Variants in OGFOD2 observed in about 807,000 individuals in gnomAD.
OGFOD2 encodes 2-oxoglutarate and iron-dependent oxygenase domain-containing protein 2.
Under a neutral mutation model 31.1 loss-of-function variants are expected in OGFOD2, and 34 were observed. That is an observed-to-expected ratio of 1.09 (90% CI 0.83 to 1.45). OGFOD2 has a LOEUF of 1.45. Among genes scored for constraint, OGFOD2 ranks in the 40% most tolerant of loss-of-function variants. The pLI, the probability that OGFOD2 is intolerant of heterozygous loss-of-function variation, is 0.00. For synonymous variants in OGFOD2, 240 were observed against 192.3 expected (o/e 1.25, Z -2.05); for missense variants, 537 against 433.9 (o/e 1.24, Z -2.11).
chr12:122,976,072 C>T (rs1245715434), intron 2 of OGFOD2: 4 of 597,996 alleles, frequency 6.7e-6, no homozygotes, highest in South Asian at 1.9e-5. Flanking sequence ...TGCTAAGTTG[C>T]CTAGTCATGC....
exon 7 of OGFOD2, chr12:122,979,319 C>T (rs201853702): frequency 1.2e-6 from 2 of 1,611,704 alleles, no homozygotes; most frequent in Admixed American, 1.7e-5. Flanking sequence ...AGGAGCCCGC[C>T]ACGGTGGATG....
chr12:122,978,517 T>G (rs1411115169), exon 5 of OGFOD2: 1 of 1,613,386 alleles, frequency 6.2e-7, no homozygotes. Context: ...CTGGAGCACT[T>G]CGAGCAATCG....
At chr12:122,975,246 T>C (rs573566723) in exon 1 of OGFOD2, 16 of 671,716 alleles carry the variant, frequency 2.4e-5, no homozygotes, top group African/African-American at 2.1e-4. Flanking sequence ...CTGTGGGTGC[T>C]TCACTATGGC....
chr12:122,977,001 C>T (rs2037453958), intron 4 of OGFOD2, 31 bp downstream of exon 4: 2 of 1,593,350 alleles, frequency 1.3e-6, no homozygotes, highest in Non-Finnish European at 8.6e-7. Flanking sequence ...CCTGGCAGGA[C>T]CAGGGAATGG....
At chr12:122,975,726 T>C (rs1410730689) in intron 1 of OGFOD2, 85 bp from the exon 2 acceptor site, 1 of 675,972 alleles carries the variant, frequency 1.5e-6, no homozygotes, top group African/African-American at 1.8e-5. Context: ...CCTCTCCCCA[T>C]TTTAAGCAGG....
intron 4 of OGFOD2, 77 bp downstream of exon 4, chr12:122,977,047 C>A: frequency 7.3e-7 from 1 of 1,366,980 alleles, no homozygotes; most frequent in East Asian, 2.4e-5. Flanking sequence ...TGCTGGGGTC[C>A]CTCCAGCCAC....
At position 122,979,080 on chromosome 12, in the gene OGFOD2, C is replaced by A; in HGVS notation, c.790-3C>A. 1.3e-6 allele frequency: 2 copies of A among 1,596,068 alleles called. No individual in the cohort carries two copies. The highest frequency in any genetic ancestry group is 1.7e-6 in the Non-Finnish European group (2 of 1,168,360). On this transcript the variant is annotated splice_polypyrimidine_tract_variant and splice_region_variant and intron_variant, in intron 6 of 6. Transcript: ENST00000228922. ...GCCCAGGCCTGAGTCGTGCCATCTGCAGGCACCCACAGCCCTGACGGAGCC... is the reference window on the plus strand; with the variant it reads ...GCCCAGGCCTGAGTCGTGCCATCTGAAGGCACCCACAGCCCTGACGGAGCC...
At position 122,978,976 on chromosome 12, in the gene OGFOD2, CA is replaced by C. The variant is rs1566213897; in HGVS notation, c.756del (p.Gly254AlafsTer15). 5.0e-6 allele frequency: 8 copies of C among 1,613,186 alleles called. No individual in the cohort carries two copies. Among genetic ancestry groups the C allele is most frequent in the Non-Finnish European group, 6.8e-6 (8 of 1,179,990 alleles). ...AATGTGGCCTTGGGCAAGGTCTTCA[CA>C]GGGGGCGCCCTGTATTTTGGGGGCC... On this transcript the variant is annotated frameshift_variant, in exon 6 of 7. Transcript: ENST00000228922. LOFTEE classifies it high-confidence loss of function.
At chr12:122,978,271 A>G (rs2037491578) in intron 4 of OGFOD2, 171 bp from the exon 5 acceptor site, 2 of 738,934 alleles carry the variant, frequency 2.7e-6, no homozygotes, top group Non-Finnish European at 4.3e-6. Flanking sequence ...AGTGGGGGGC[A>G]TGGGAATCGG....
In OGFOD2 at chr12:122,976,003, C is replaced by G. The variant is rs150611267; in HGVS notation, c.189+136C>G. 2.1e-3 allele frequency: 1,346 copies of G among 640,258 alleles called. 4 individuals are homozygous for G. Among genetic ancestry groups the G allele is most frequent in the South Asian group, 3.5e-3 (206 of 59,584 alleles). The allele number at this position is 640,258 out of a possible 1,614,324, so 39.7% of individuals were successfully genotyped here. On this transcript the variant is annotated intron_variant, in intron 2 of 6. Transcript: ENST00000228922. ...CCCTCACTTTCCTCCTTCCTGCCCC[C>G]CACTCATCCCTCCACACCTGAGTCT... is the stretch of plus-strand genomic sequence containing the variant.
rs2037502847 is a variant in OGFOD2 at position 122,978,588 on chromosome 12, G to A, written c.531+19G>A. 6.2e-7 allele frequency: 1 copy of A among 1,607,080 alleles called. No individual in the cohort carries two copies. Among genetic ancestry groups the A allele is most frequent in the South Asian group, 1.1e-5 (1 of 91,008 alleles). ...CTACGGGGTGGGTGAGGCCTGGCCG[G>A]TGGCAGAGGAGGGGGTGGCTGGGGT... On this transcript the variant is annotated intron_variant, in intron 5 of 6. Coordinates refer to ENST00000228922, the Ensembl canonical transcript of OGFOD2.
chr12:122,979,077 C>T lies in OGFOD2; in HGVS notation c.790-6C>T, dbSNP rs375270706. On this transcript the variant is annotated splice_polypyrimidine_tract_variant and splice_region_variant and intron_variant, in intron 6 of 6. Coordinates refer to ENST00000228922, the Ensembl canonical transcript of OGFOD2. ...AGTGCCCAGGCCTGAGTCGTGCCATCTGCAGGCACCCACAGCCCTGACGGA... is the reference window on the plus strand; with the variant it reads ...AGTGCCCAGGCCTGAGTCGTGCCATTTGCAGGCACCCACAGCCCTGACGGA... The T allele has an allele frequency of 7.7e-5, 123 of 1,596,938 alleles. No homozygotes were observed. The highest frequency in any genetic ancestry group is 1.7e-4 in the Middle Eastern group (1 of 6,016).
chr12:122,979,331 A>G, exon 7 of OGFOD2: 1 of 1,608,664 alleles, frequency 6.2e-7, no homozygotes, highest in African/African-American at 1.3e-5. Flanking sequence ...CGGTGGATGT[A>G]TGTGCGCTCA....
chr12:122,976,415 T>C (rs884956), intron 2 of OGFOD2: 1,078,069 of 1,611,414 alleles, frequency 0.67, 373,013 homozygotes, highest in Non-Finnish European at 0.71. Context: ...CATCTAGGGG[T>C]TCTCATCCCA....
chr12:122,976,233 C>T (rs774360897), intron 2 of OGFOD2: 19 of 701,160 alleles, frequency 2.7e-5, no homozygotes, highest in East Asian at 5.4e-5. Flanking sequence ...GCTCCTCACA[C>T]CTTACCATAT....
intron 3 of OGFOD2, 32 bp from the exon 4 acceptor site, chr12:122,976,839 C>T (rs1472080126): frequency 6.3e-7 from 1 of 1,595,252 alleles, no homozygotes; most frequent in Non-Finnish European, 8.6e-7. Context: ...GGGGGTGCTG[C>T]CTGCCCCACA....
chr12:122,978,637 G>A (rs922433821), intron 5 of OGFOD2, 68 bp downstream of exon 5: 2 of 1,595,062 alleles, frequency 1.3e-6, no homozygotes, highest in Non-Finnish European at 1.7e-6. Flanking sequence ...CAGAGGTTCT[G>A]CAGATGGGCT....
In OGFOD2 at chr12:122,978,778, A is replaced by G. The variant is rs776248518; in HGVS notation, c.557A>G (p.Asp186Gly). 115 of 1,609,202 alleles carry G rather than the reference A, an allele frequency of 7.1e-5. 1 individual carries two copies. The South Asian group carries it at 1.2e-3, about 16-fold the overall frequency. The stretch of plus-strand genomic sequence containing the variant: ...GTGCTGCTGCACGAGCTCGGGCTGG[A>G]CGAGCCGCTGATGACACCACTGCGG... The change falls in exon 6 of 7, where the codon GAC becomes GGC. Residue 186 changes from aspartate to glycine, a missense_variant. Physicochemically the swap from Asp to Gly is moderately conservative, Grantham distance 94. Transcript: ENST00000228922.
At chr12:122,978,303 C>T (rs547590067) in intron 4 of OGFOD2, 139 bp from the exon 5 acceptor site, 3 of 1,071,858 alleles carry the variant, frequency 2.8e-6, no homozygotes, top group East Asian at 5.3e-5. Context: ...CCTCATGTTA[C>T]TTCCTTAAGT....
Sources: allele counts gnomAD v4.1 joint callset, GRCh38; gene constraint gnomAD v4.1.1; transcripts MANE v1.5; gene names NCBI Gene and HGNC (gene_info 2026-07-23, HGNC 2026-07-21).